EPB41L3: variants seen among roughly 807,000 people sequenced by gnomAD.
The protein encoded by EPB41L3 is erythrocyte membrane protein band 4.1 like 3.
EPB41L3 carries 57 observed loss-of-function variants against 127.1 expected under a neutral mutation model. That is an observed-to-expected ratio of 0.45 (90% confidence interval 0.36 to 0.56). EPB41L3 has a LOEUF of 0.56. EPB41L3 is among the 20% of genes least tolerant of loss of function. The pLI is 0.00. For synonymous variants in EPB41L3, 572 were observed against 549.5 expected (o/e 1.04, Z -0.57); for missense variants, 1,273 against 1,372.2 (o/e 0.93, Z 1.14).
At chr18:5,574,428 T>A (rs2094316732) in intron 3 of EPB41L3, among the ~76,000 whole-genome samples, 1 of 150,602 alleles carries the variant, frequency 6.6e-6, no homozygotes, top group Non-Finnish European at 1.5e-5. Context: ...TACCTCAACC[T>A]GATTTTATTT....
At chr18:5,436,441 C>T (rs2079830428) in intron 6 of EPB41L3, among the ~76,000 whole-genome samples, 1 of 132,124 alleles carries the variant, frequency 7.6e-6, no homozygotes, top group Admixed American at 8.9e-5. Flanking sequence ...CGGAGTCTCA[C>T]TCTGTTGCCC....
At chr18:5,504,667 C>A (rs953137812) in intron 1 of EPB41L3, among the ~76,000 whole-genome samples, 6 of 152,164 alleles carry the variant, frequency 3.9e-5, no homozygotes, top group African/African-American at 1.4e-4. Flanking sequence ...GCATTCCTCT[C>A]CAGCTGGGTC....
chr18:5,574,881 C>T (rs944620306), intron 3 of EPB41L3, among the ~76,000 whole-genome samples: 2 of 152,134 alleles, frequency 1.3e-5, no homozygotes, highest in Admixed American at 1.3e-4. Flanking sequence ...GTGAGTATGA[C>T]CATATGCTGA....
intron 5 of EPB41L3, among the ~76,000 whole-genome samples, chr18:5,440,146 G>A (rs2080462039): frequency 1.3e-5 from 2 of 152,114 alleles, no homozygotes; most frequent in African/African-American, 4.8e-5. Context: ...CAGAGATTTG[G>A]AGTATGGCCT....
intron 3 of EPB41L3, among the ~76,000 whole-genome samples, chr18:5,448,518 A>G (rs2081850279): frequency 6.6e-6 from 1 of 152,186 alleles, no homozygotes; most frequent in Admixed American, 6.5e-5. Context: ...GATGTTTATT[A>G]TGGTTCCAAA....
At chr18:5,461,108 A>AT (rs1232163128) in intron 3 of EPB41L3, among the ~76,000 whole-genome samples, 1 of 152,082 alleles carries the variant, frequency 6.6e-6, no homozygotes, top group Non-Finnish European at 1.5e-5. Flanking sequence ...TCTGGGCAGT[A>AT]TTTTTTCTAA....
chr18:5,580,826 C>A (rs1461470454), intron 3 of EPB41L3, among the ~76,000 whole-genome samples: 2 of 152,216 alleles, frequency 1.3e-5, no homozygotes, highest in Non-Finnish European at 2.9e-5. Flanking sequence ...ACGCAAGAAG[C>A]AACTCACCTA....
At position 5,478,581 on chromosome 18, in the gene EPB41L3, G is replaced by A. The variant is rs1045396160; in HGVS notation, c.184-143C>T. ...TATTAGGAATAGATATAAATATACAGATATTTATAATATTTGCCTAAATAC... is the reference window on the plus strand; with the variant it reads ...TATTAGGAATAGATATAAATATACAAATATTTATAATATTTGCCTAAATAC... On this transcript the variant is annotated intron_variant, in intron 2 of 22. Coordinates refer to ENST00000341928, the MANE Select transcript of EPB41L3 (RefSeq NM_012307.5). 4 of 692,176 alleles carry A rather than the reference G, an allele frequency of 5.8e-6. No individual in the cohort carries two copies. In the African/African-American group the frequency reaches 7.2e-5, roughly 12 times the overall value. 42.9% of individuals were successfully genotyped at this position (692,176 alleles called of 1,614,324 possible).
At chr18:5,481,883 G>A (rs115571792) in intron 2 of EPB41L3, among the ~76,000 whole-genome samples, 18 of 152,220 alleles carry the variant, frequency 1.2e-4, no homozygotes, top group East Asian at 1.9e-4. Flanking sequence ...GAGGCCTAGC[G>A]GTAAAAAATT....
intron 3 of EPB41L3, among the ~76,000 whole-genome samples, chr18:5,579,639 T>C (rs1395469442): frequency 6.6e-6 from 1 of 152,168 alleles, no homozygotes; most frequent in Admixed American, 6.5e-5. Context: ...TACAAGTTAC[T>C]CCCATTCTCT....
intron 1 of EPB41L3, among the ~76,000 whole-genome samples, chr18:5,628,407 A>T (rs1002275677): frequency 5.3e-5 from 8 of 152,164 alleles, no homozygotes; most frequent in African/African-American, 1.9e-4. Context: ...TCTGTAACTA[A>T]CACCAGGTGC....
At chr18:5,534,427 G>A (rs150764692) in intron 1 of EPB41L3, among the ~76,000 whole-genome samples, 4 of 152,198 alleles carry the variant, frequency 2.6e-5, no homozygotes, top group African/African-American at 9.7e-5. Context: ...GACATAAGGA[G>A]GTCTGGATCC....
At chr18:5,599,618 G>A (rs1429764986) in intron 3 of EPB41L3, among the ~76,000 whole-genome samples, 1 of 152,110 alleles carries the variant, frequency 6.6e-6, no homozygotes. Flanking sequence ...ACAAGTGCTG[G>A]TTGTTTGAAA....
At chr18:5,418,357 C>A (rs1370841018) in intron 12 of EPB41L3, among the ~76,000 whole-genome samples, 1 of 152,156 alleles carries the variant, frequency 6.6e-6, no homozygotes, top group Admixed American at 6.6e-5. Context: ...AAATGTCCGG[C>A]CTTATCTTGG....
At chr18:5,412,663 T>G (rs930929025) in intron 13 of EPB41L3, among the ~76,000 whole-genome samples, 1 of 152,204 alleles carries the variant, frequency 6.6e-6, no homozygotes, top group South Asian at 2.1e-4. Context: ...CATTTTAGCA[T>G]TAGGGGACAG....
At chr18:5,571,170 T>C (rs569377527) in intron 3 of EPB41L3, among the ~76,000 whole-genome samples, 1 of 152,312 alleles carries the variant, frequency 6.6e-6, no homozygotes, top group East Asian at 1.9e-4. Flanking sequence ...TTTGAAAGCA[T>C]TCCAAGAAGT....
At chr18:5,475,323 A>G (rs1279355091) in intron 3 of EPB41L3, among the ~76,000 whole-genome samples, 1 of 152,198 alleles carries the variant, frequency 6.6e-6, no homozygotes, top group Non-Finnish European at 1.5e-5. Context: ...TTTCACCTTC[A>G]TCTTTCTGTT....
intron 2 of EPB41L3, among the ~76,000 whole-genome samples, chr18:5,484,121 A>AAAAAAAAAAAAAAAAAAAAAAAAAAAT (rs2089250841): frequency 9.0e-6 from 1 of 110,502 alleles, no homozygotes; most frequent in African/African-American, 3.1e-5. Context: ...AAAAAAAAAA[A>AAAAAAAAAAAAAAAAAAAAAAAAAAAT]CAGAAAAAAA....
chr18:5,572,953 A>G (rs2094298827), intron 3 of EPB41L3, among the ~76,000 whole-genome samples: 1 of 152,138 alleles, frequency 6.6e-6, no homozygotes, highest in Non-Finnish European at 1.5e-5. Flanking sequence ...GAGCCCTGGT[A>G]TTTAGAGAGA....
Sources: gnomAD v4.1 joint callset for allele counts (sites outside exome capture counted in the v4.1 genomes callset) on GRCh38, gnomAD v4.1.1 for gene constraint, MANE v1.5 for transcripts, NCBI Gene and HGNC (gene_info 2026-07-23, HGNC 2026-07-21) for gene names.